Variants in CCDC175 observed in about 807,000 individuals in gnomAD.
The protein encoded by CCDC175 is coiled-coil domain-containing protein 175.
In CCDC175, 100 loss-of-function variants were observed where a neutral mutation model predicts 114.6. That is an observed-to-expected ratio of 0.87 (90% CI 0.74 to 1.03). The LOEUF (loss-of-function observed/expected upper bound fraction) is 1.03, where lower values mean the gene tolerates loss of function less well. CCDC175 is among the 50% of genes least tolerant of loss of function. The pLI, the probability that CCDC175 is intolerant of heterozygous loss-of-function variation, is 0.00. For synonymous variants in CCDC175, 306 were observed against 308.7 expected (o/e 0.99, Z 0.09); for missense variants, 880 against 917.8 (o/e 0.96, Z 0.53).
rs748535149 is a variant in CCDC175, at chr14:59,565,053, A to G, written c.714T>C (p.Thr238=). Residue 238 remains threonine (T), a synonymous_variant, in exon 5 of 20, where the codon ACT becomes ACC. Coordinates refer to ENST00000537690, the MANE Select transcript of CCDC175 (RefSeq NM_001164399.2). ...AATAAATCATGCCACTTACCTGTGC[A>G]GTCAACTCTTGTTTTCTTATTAGAT... ...AEYLIRKQEL[T]AQINEFENTR... is the part of the protein sequence containing the mutation. 5 of 1,521,006 alleles carry G rather than the reference A, an allele frequency of 3.3e-6. No homozygotes were observed. Among genetic ancestry groups the G allele is most frequent in the South Asian group, 2.4e-5 (2 of 83,120 alleles). 94.2% of individuals were successfully genotyped at this position (1,521,006 alleles called of 1,614,324 possible).
At chr14:59,552,979 C>T (rs1198723950) in intron 7 of CCDC175, among the ~76,000 whole-genome samples, 6 of 152,206 alleles carry the variant, frequency 3.9e-5, no homozygotes, top group Non-Finnish European at 8.8e-5. Flanking sequence ...AAGACCACAT[C>T]TACGTCTGAT....
chr14:59,562,351 C>G (rs528732246), intron 6 of CCDC175, among the ~76,000 whole-genome samples: 39 of 152,246 alleles, frequency 2.6e-4, no homozygotes, highest in Admixed American at 1.2e-3. Context: ...CAGTCTATAG[C>G]CAAAATACTG....
At chr14:59,516,671 T>A (rs940885697) in intron 17 of CCDC175, among the ~76,000 whole-genome samples, 2 of 152,158 alleles carry the variant, frequency 1.3e-5, no homozygotes, top group African/African-American at 4.8e-5. Flanking sequence ...ATTGAAGCAA[T>A]AATTAATAGC....
intron 16 of CCDC175, among the ~76,000 whole-genome samples, chr14:59,523,238 T>C (rs928702249): frequency 9.2e-5 from 14 of 152,220 alleles, no homozygotes; most frequent in African/African-American, 2.7e-4. Flanking sequence ...GTGCATTGCA[T>C]GTGTGAGGGT....
At chr14:59,524,670 T>C (rs1009401719) in intron 16 of CCDC175, among the ~76,000 whole-genome samples, 2 of 152,178 alleles carry the variant, frequency 1.3e-5, no homozygotes, top group Admixed American at 1.3e-4. Flanking sequence ...TGTACTAAAG[T>C]TGGAGATACA....
intron 19 of CCDC175, chr14:59,505,527 A>G (rs1892301700): frequency 6.0e-6 from 2 of 333,520 alleles, no homozygotes; most frequent in Admixed American, 4.5e-5. Context: ...TTTTTTTCAT[A>G]TGTCCTGTTC....
chr14:59,527,210 A>T (rs1351649269), intron 14 of CCDC175, 36 bp from the exon 15 acceptor site: 17 of 1,098,962 alleles, frequency 1.5e-5, no homozygotes, highest in Non-Finnish European at 2.0e-5. Context: ...TACCTCAAAA[A>T]TTTAGTTAAA....
At chr14:59,538,446 G>T (rs1894546514) in intron 12 of CCDC175, among the ~76,000 whole-genome samples, 1 of 152,108 alleles carries the variant, frequency 6.6e-6, no homozygotes, top group Non-Finnish European at 1.5e-5. Context: ...ATTTTTAGAG[G>T]TAATTCCCCT....
chr14:59,533,849 C>T (rs534463216), intron 13 of CCDC175, among the ~76,000 whole-genome samples: 2 of 152,034 alleles, frequency 1.3e-5, no homozygotes, highest in East Asian at 1.9e-4. Context: ...ATTAGCCAGG[C>T]CTGGTGGCAT....
chr14:59,515,169 C>G (rs1321068038), intron 17 of CCDC175, among the ~76,000 whole-genome samples: 1 of 152,096 alleles, frequency 6.6e-6, no homozygotes. Context: ...GAAGGAAGCA[C>G]TAAACATGGA....
intron 3 of CCDC175, among the ~76,000 whole-genome samples, chr14:59,570,326 C>T (rs1170335721): frequency 6.6e-6 from 1 of 152,146 alleles, no homozygotes; most frequent in Non-Finnish European, 1.5e-5. Context: ...CTCCTATGCC[C>T]TCTGCTGACA....
chr14:59,555,706 T>C (rs1895849836), intron 7 of CCDC175, among the ~76,000 whole-genome samples: 1 of 152,198 alleles, frequency 6.6e-6, no homozygotes, highest in South Asian at 2.1e-4. Flanking sequence ...GATTGTATAT[T>C]TAGAAAACCC....
intron 17 of CCDC175, among the ~76,000 whole-genome samples, chr14:59,517,257 T>C (rs1326022104): frequency 8.5e-5 from 13 of 152,214 alleles, no homozygotes; most frequent in East Asian, 3.9e-4. Context: ...GGAAAACTGG[T>C]ACAAGACAGG....
At chr14:59,553,918 T>A (rs943056140) in intron 7 of CCDC175, among the ~76,000 whole-genome samples, 31 of 152,134 alleles carry the variant, frequency 2.0e-4, no homozygotes, top group African/African-American at 7.2e-4. Context: ...GAGCTAACTA[T>A]CCTAAATATA....
intron 2 of CCDC175, among the ~76,000 whole-genome samples, chr14:59,573,146 A>G (rs1384706196): frequency 2.6e-5 from 4 of 152,182 alleles, no homozygotes; most frequent in Non-Finnish European, 5.9e-5. Context: ...ACTTATTAAA[A>G]TATGGAAATT....
chr14:59,567,110 G>A (rs182360907), intron 4 of CCDC175, among the ~76,000 whole-genome samples: 25 of 152,344 alleles, frequency 1.6e-4, no homozygotes, highest in Middle Eastern at 3.4e-3. Flanking sequence ...GGAATGTGAT[G>A]TTGCTGACCG....
Position 59,574,647 on chromosome 14 carries a change from G to T in CCDC175, c.243+296C>A, listed in dbSNP as rs570044251. On this transcript the variant is annotated intron_variant, in intron 2 of 19. Coordinates refer to ENST00000537690, the MANE Select transcript of CCDC175 (RefSeq NM_001164399.2). Reference sequence around the variant, plus strand: ...GGTGTCCCAAGCATTTGCCCATGTGGTCCACCTCTTAACTGAACCGTATTA... The same window carrying T: ...GGTGTCCCAAGCATTTGCCCATGTGTTCCACCTCTTAACTGAACCGTATTA... 3.3e-5 allele frequency among the ~76,000 whole-genome samples: 5 copies of T among 152,226 alleles called. No individual in the cohort carries two copies. In the South Asian group the frequency reaches 1.0e-3, roughly 32 times the overall value.
At chr14:59,515,683 T>A (rs1032895473) in intron 17 of CCDC175, among the ~76,000 whole-genome samples, 1 of 152,140 alleles carries the variant, frequency 6.6e-6, no homozygotes, top group Non-Finnish European at 1.5e-5. Context: ...CTTAGAGACC[T>A]GGAAAGAGAC....
intron 13 of CCDC175, among the ~76,000 whole-genome samples, chr14:59,536,526 G>A (rs1261999971): frequency 6.6e-6 from 1 of 151,768 alleles, no homozygotes; most frequent in Non-Finnish European, 1.5e-5. Flanking sequence ...AGAATGCCAG[G>A]CACCTAGACT....
Sources: allele counts gnomAD v4.1 joint callset (sites outside exome capture counted in the v4.1 genomes callset), GRCh38; gene constraint gnomAD v4.1.1; transcripts MANE v1.5; gene names NCBI Gene and HGNC (gene_info 2026-07-23, HGNC 2026-07-21).